The following GALNT13 variants were observed in gnomAD, a reference collection of about 807,000 sequenced individuals.
The protein encoded by GALNT13 is polypeptide N-acetylgalactosaminyltransferase 13.
A neutral mutation model predicts 64.2 loss-of-function variants in GALNT13; 28 were observed. The ratio of observed to expected loss-of-function variants is 0.44; its 90% CI spans 0.32 to 0.60. The LOEUF is 0.60. GALNT13 is among the 20% of genes least tolerant of loss of function. The probability of loss-of-function intolerance (pLI) is 0.05; values close to 1 mark genes in which losing one functional copy is unlikely to be tolerated. For missense variants in GALNT13, 577 were observed against 669.8 expected (o/e 0.86, Z 1.53); for synonymous variants, 214 against 224.6 (o/e 0.95, Z 0.42).
the GALNT13 span, among the ~76,000 whole-genome samples, chr2:153,774,732 A>T: frequency 6.6e-6 from 1 of 152,172 alleles, no homozygotes; most frequent in Non-Finnish European, 1.5e-5. Flanking sequence ...ATCTTTACAA[A>T]CATTTAAAAA....
the GALNT13 span, among the ~76,000 whole-genome samples, chr2:153,741,670 T>G: frequency 3.3e-5 from 5 of 151,602 alleles, no homozygotes; most frequent in Admixed American, 3.3e-4. Context: ...TGTATTTTTA[T>G]TTGTTTCTAT....
At chr2:154,401,278 A>G (rs1164452047) in intron 10 of GALNT13, among the ~76,000 whole-genome samples, 1 of 152,184 alleles carries the variant, frequency 6.6e-6, no homozygotes, top group East Asian at 1.9e-4. Context: ...TGCCAAATGC[A>G]GAAGCTAAAA....
At chr2:153,251,125 G>C in the GALNT13 span, among the ~76,000 whole-genome samples, 1 of 152,110 alleles carries the variant, frequency 6.6e-6, no homozygotes, top group East Asian at 1.9e-4. Flanking sequence ...GGCTTATTTA[G>C]TATAAAAATT....
the GALNT13 span, among the ~76,000 whole-genome samples, chr2:153,560,627 C>T: frequency 1.3e-5 from 2 of 151,966 alleles, no homozygotes; most frequent in Non-Finnish European, 2.9e-5. Context: ...TTTATCATGA[C>T]TAAATTCTAT....
chr2:153,336,281 G>A, the GALNT13 span, among the ~76,000 whole-genome samples: 4 of 152,104 alleles, frequency 2.6e-5, no homozygotes, highest in Non-Finnish European at 5.9e-5. Flanking sequence ...CAAAATGGTA[G>A]ATCTACCAAC....
chr2:154,061,829 A>C (rs963279078), intron 3 of GALNT13, among the ~76,000 whole-genome samples: 5 of 152,120 alleles, frequency 3.3e-5, no homozygotes, highest in Non-Finnish European at 7.4e-5. Context: ...TAATTTTAGC[A>C]GTCATTTAGC....
chr2:153,178,736 T>C, the GALNT13 span, among the ~76,000 whole-genome samples: 3 of 97,840 alleles, frequency 3.1e-5, no homozygotes, highest in East Asian at 2.0e-4. Context: ...CTTCTTCTTT[T>C]TTTTTTTTTT....
chr2:154,443,349 ATAAT>A (rs1701400175), intron 12 of GALNT13, among the ~76,000 whole-genome samples: 1 of 152,092 alleles, frequency 6.6e-6, no homozygotes, highest in Non-Finnish European at 1.5e-5. Flanking sequence ...TCTGGAGATC[ATAAT>A]TAATGTTTTG....
At chr2:153,832,832 A>G in the GALNT13 span, among the ~76,000 whole-genome samples, 1 of 152,172 alleles carries the variant, frequency 6.6e-6, no homozygotes, top group Non-Finnish European at 1.5e-5. Flanking sequence ...TGTCACAGCT[A>G]TGCAATTCTG....
the GALNT13 span, among the ~76,000 whole-genome samples, chr2:153,233,415 T>A: frequency 4.4e-4 from 67 of 152,226 alleles, no homozygotes; most frequent in Middle Eastern, 3.4e-3. Flanking sequence ...TAGAGGATAG[T>A]TCACAGGCTC....
chr2:153,252,008 A>G, the GALNT13 span, among the ~76,000 whole-genome samples: 6 of 151,654 alleles, frequency 4.0e-5, no homozygotes, highest in East Asian at 1.2e-3. Context: ...GCTGGGTCAA[A>G]TGGTATTTCT....
the GALNT13 span, among the ~76,000 whole-genome samples, chr2:153,826,956 G>GT: frequency 6.6e-6 from 1 of 151,992 alleles, no homozygotes; most frequent in East Asian, 1.9e-4. Flanking sequence ...AGACAAAATT[G>GT]TTTTTTGACA....
the GALNT13 span, among the ~76,000 whole-genome samples, chr2:153,082,053 T>C: frequency 6.6e-6 from 1 of 152,336 alleles, no homozygotes; most frequent in East Asian, 1.9e-4. Context: ...GTCTGTTGGA[T>C]ATAAGCAGTT....
At chr2:153,943,269 G>A (rs981141955) in intron 2 of GALNT13, among the ~76,000 whole-genome samples, 1 of 151,712 alleles carries the variant, frequency 6.6e-6, no homozygotes, top group Non-Finnish European at 1.5e-5. Flanking sequence ...TTAAATTCTT[G>A]CTCTGATTAT....
chr2:153,994,725 G>A (rs1385683591), intron 3 of GALNT13, among the ~76,000 whole-genome samples: 3 of 152,084 alleles, frequency 2.0e-5, no homozygotes, highest in African/African-American at 7.2e-5. Flanking sequence ...CTTTTGAGAA[G>A]CGTCTGTTCA....
At chr2:153,234,075 TA>T in the GALNT13 span, among the ~76,000 whole-genome samples, 2 of 152,210 alleles carry the variant, frequency 1.3e-5, no homozygotes, top group African/African-American at 4.8e-5. Context: ...TAAACACTTT[TA>T]AAAAGGGTTT....
intron 4 of GALNT13, among the ~76,000 whole-genome samples, chr2:154,220,609 T>G (rs1388209453): frequency 6.6e-6 from 1 of 152,094 alleles, no homozygotes; most frequent in Non-Finnish European, 1.5e-5. Flanking sequence ...TATTATGAAC[T>G]TGGGATAGAA....
At chr2:153,883,077 TTA>T (rs57783197) in intron 1 of GALNT13, among the ~76,000 whole-genome samples, 10,143 of 144,126 alleles carry the variant, frequency 0.07, 503 homozygotes, top group African/African-American at 0.13. Flanking sequence ...TATATGTATA[TTA>T]TATATATATA....
chr2:153,190,689 A>G, the GALNT13 span, among the ~76,000 whole-genome samples: 1 of 152,102 alleles, frequency 6.6e-6, no homozygotes, highest in Admixed American at 6.6e-5. Context: ...ATTTAAAAAT[A>G]TTAATTCTCT....
Sources: gnomAD v4.1 joint callset for allele counts (sites outside exome capture counted in the v4.1 genomes callset) on GRCh38, gnomAD v4.1.1 for gene constraint, MANE v1.5 for transcripts, NCBI Gene and HGNC (gene_info 2026-07-23, HGNC 2026-07-21) for gene names.